Variants in TTC28 observed in about 807,000 individuals in gnomAD.
TTC28 encodes tetratricopeptide repeat domain 28.
In TTC28, 61 loss-of-function variants were observed where a neutral mutation model predicts 198.0. That is an observed-to-expected ratio of 0.31 (90% CI 0.25 to 0.38). The LOEUF (loss-of-function observed/expected upper bound fraction) is 0.38, where lower values mean the gene tolerates loss of function less well. Among genes scored for constraint, TTC28 ranks in the 10% least tolerant of loss-of-function variants. The pLI is 1.00. For synonymous variants in TTC28, 1,171 were observed against 1,297.8 expected (o/e 0.90, Z 2.10); for missense variants, 2,678 against 3,164.0 (o/e 0.85, Z 3.69).
chr22:28,087,663 G>A (rs1052937911), intron 12 of TTC28, among the ~76,000 whole-genome samples: 33 of 152,138 alleles, frequency 2.2e-4, no homozygotes, highest in African/African-American at 5.8e-4. Flanking sequence ...TCTGGCCAGG[G>A]CAATCAGGCA....
Position 28,105,265 on chromosome 22 carries a change from G to T in TTC28, c.3307+14C>A, listed in dbSNP as rs1375063217. The stretch of plus-strand genomic sequence containing the variant: ...CAAGTAGGCCAAGAGAACACAATGG[G>T]CCTTTTCACCTACCTTCCTGTAAGT... On this transcript the variant is annotated intron_variant, in intron 8 of 22. Coordinates refer to ENST00000397906, the MANE Select transcript of TTC28 (RefSeq NM_001145418.2). The T allele has an allele frequency of 5.2e-6, 8 of 1,547,654 alleles. No individual in the cohort carries two copies. Among genetic ancestry groups the T allele is most frequent in the Non-Finnish European group, 6.1e-6 (7 of 1,144,550 alleles).
chr22:28,504,842 ACTGT>A (rs760602825), intron 2 of TTC28, among the ~76,000 whole-genome samples: 6 of 152,196 alleles, frequency 3.9e-5, no homozygotes, highest in Non-Finnish European at 5.9e-5. Context: ...GTGAAATAAG[ACTGT>A]CTATGAGCTA....
chr22:28,133,566 C>T (rs1273584307), intron 6 of TTC28, among the ~76,000 whole-genome samples: 1 of 152,218 alleles, frequency 6.6e-6, no homozygotes, highest in Non-Finnish European at 1.5e-5. Context: ...AGATTATAAC[C>T]CGCGCATGGC....
chr22:28,611,152 G>A (rs1419473421), intron 2 of TTC28, among the ~76,000 whole-genome samples: 1 of 152,144 alleles, frequency 6.6e-6, no homozygotes, highest in Non-Finnish European at 1.5e-5. Context: ...ACACTCTTCA[G>A]GATATTATCC....
At chr22:28,675,749 A>G (rs2051974693) in intron 1 of TTC28, among the ~76,000 whole-genome samples, 1 of 150,856 alleles carries the variant, frequency 6.6e-6, no homozygotes, top group African/African-American at 2.4e-5. Context: ...ACACACACAC[A>G]CACACACACA....
chr22:28,627,435 C>CTTTTTT (rs113850616), intron 2 of TTC28, among the ~76,000 whole-genome samples: 4 of 138,350 alleles, frequency 2.9e-5, no homozygotes, highest in African/African-American at 2.6e-5. Context: ...TTTTCTTTTT[C>CTTTTTT]TTTTTTTTTT....
At chr22:28,249,723 CCT>C (rs1176810427) in intron 5 of TTC28, among the ~76,000 whole-genome samples, 1 of 152,232 alleles carries the variant, frequency 6.6e-6, no homozygotes, top group Non-Finnish European at 1.5e-5. Context: ...TTGAGCTCTC[CCT>C]GAGACGGGCA....
intron 12 of TTC28, among the ~76,000 whole-genome samples, chr22:28,041,430 A>G (rs1004614327): frequency 6.6e-6 from 1 of 152,190 alleles, no homozygotes; most frequent in Admixed American, 6.5e-5. Flanking sequence ...ATAACACCAC[A>G]TATCTACAAC....
chr22:28,525,358 C>T (rs755516738), intron 2 of TTC28, among the ~76,000 whole-genome samples: 1 of 152,100 alleles, frequency 6.6e-6, no homozygotes, highest in East Asian at 1.9e-4. Flanking sequence ...TTCACCATGT[C>T]GCCCAGGCTA....
At chr22:28,422,011 G>T (rs957368521) in intron 2 of TTC28, among the ~76,000 whole-genome samples, 6 of 151,412 alleles carry the variant, frequency 4.0e-5, no homozygotes, top group Non-Finnish European at 5.9e-5. Context: ...TATAAGCTTC[G>T]AACAGATTTG....
chr22:28,328,299 G>A (rs1056874048), intron 2 of TTC28, among the ~76,000 whole-genome samples: 16 of 151,948 alleles, frequency 1.1e-4, no homozygotes, highest in African/African-American at 3.1e-4. Context: ...AAAAATAGCC[G>A]GTCATGGTAG....
chr22:28,643,668 T>C (rs557753561), intron 1 of TTC28, among the ~76,000 whole-genome samples: 23 of 152,344 alleles, frequency 1.5e-4, no homozygotes, highest in Middle Eastern at 6.8e-3. Flanking sequence ...TCTAGGTCAA[T>C]AGTTGCCAGT....
chr22:28,427,382 G>A (rs1042121163), intron 2 of TTC28, among the ~76,000 whole-genome samples: 3 of 152,130 alleles, frequency 2.0e-5, no homozygotes, highest in East Asian at 3.9e-4. Context: ...GGCCGAGCGC[G>A]GTGGCTCACG....
At chr22:28,010,006 T>C (rs1938083003) in intron 14 of TTC28, among the ~76,000 whole-genome samples, 1 of 152,244 alleles carries the variant, frequency 6.6e-6, no homozygotes, top group African/African-American at 2.4e-5. Context: ...TTCCCCTGTG[T>C]TCAAATACCT....
Position 28,096,419 on chromosome 22 carries a change from AAG to A in TTC28, c.3548-13_3548-12del, listed in dbSNP as rs1454974432. ...CTTCATCATGATGGCCTAGGAGACAAAGAGATATGCCGAGGAGTCCATAGTGA... is the reference window on the plus strand; with the variant it reads ...CTTCATCATGATGGCCTAGGAGACAAAGATATGCCGAGGAGTCCATAGTGA... On this transcript the variant is annotated splice_polypyrimidine_tract_variant and intron_variant, in intron 10 of 22. Coordinates refer to ENST00000397906, the MANE Select transcript of TTC28 (RefSeq NM_001145418.2). 2 of 1,550,426 alleles carry A rather than the reference AAG, an allele frequency of 1.3e-6. No homozygotes were observed. The highest frequency in any genetic ancestry group is 1.7e-6 in the Non-Finnish European group (2 of 1,146,964).
At chr22:28,077,245 C>T (rs529320846) in intron 12 of TTC28, among the ~76,000 whole-genome samples, 1 of 152,282 alleles carries the variant, frequency 6.6e-6, no homozygotes, top group African/African-American at 2.4e-5. Flanking sequence ...ACAAGACTCT[C>T]TCTTGGATAT....
intron 2 of TTC28, among the ~76,000 whole-genome samples, chr22:28,615,711 C>G (rs2050893763): frequency 6.8e-6 from 1 of 147,432 alleles, no homozygotes; most frequent in African/African-American, 2.5e-5. Flanking sequence ...AACCAAAGAC[C>G]ACATGTTTGC....
intron 8 of TTC28, among the ~76,000 whole-genome samples, chr22:28,103,794 T>C (rs918650510): frequency 1.3e-5 from 2 of 152,226 alleles, no homozygotes; most frequent in Non-Finnish European, 2.9e-5. Flanking sequence ...ACCAGCTGTT[T>C]CATGGAAATA....
intron 2 of TTC28, among the ~76,000 whole-genome samples, chr22:28,588,354 G>A (rs2050358824): frequency 6.6e-6 from 1 of 152,198 alleles, no homozygotes; most frequent in Non-Finnish European, 1.5e-5. Context: ...CACTTCGGAT[G>A]TGGAATACTG....
Sources: gnomAD v4.1 joint callset for allele counts (sites outside exome capture counted in the v4.1 genomes callset) on GRCh38, gnomAD v4.1.1 for gene constraint, MANE v1.5 for transcripts, NCBI Gene and HGNC (gene_info 2026-07-23, HGNC 2026-07-21) for gene names.